Variants in EFCAB5 observed in about 807,000 individuals in gnomAD.
EFCAB5 encodes EF-hand calcium-binding domain-containing protein 5.
EFCAB5 carries 131 observed loss-of-function variants against 167.9 expected under a neutral mutation model. That is an observed-to-expected ratio of 0.78 (90% CI 0.68 to 0.90). EFCAB5 has a LOEUF of 0.90. EFCAB5 is among the 40% of genes least tolerant of loss of function. EFCAB5 has a pLI of 0.00. For missense variants in EFCAB5, 1,663 were observed against 1,745.2 expected (o/e 0.95, Z 0.84); for synonymous variants, 574 against 602.8 (o/e 0.95, Z 0.70).
chr17:30,078,575 G>A, intron 15 of EFCAB5, 71 bp downstream of exon 15: 3 of 1,443,888 alleles, frequency 2.1e-6, no homozygotes, highest in Non-Finnish European at 2.8e-6. Context: ...GTTTGCAAAA[G>A]AGGAGCATCT....
In EFCAB5 at chr17:30,098,447, G is replaced by A. The variant is rs150927654; in HGVS notation, c.4321+5511G>A. 3.2e-3 allele frequency among the ~76,000 whole-genome samples: 478 copies of A among 151,166 alleles called. 4 individuals are homozygous for A. Among genetic ancestry groups the A allele is most frequent in the Non-Finnish European group, 3.7e-3 (254 of 67,818 alleles). On this transcript the variant is annotated intron_variant, in intron 22 of 22. Transcript: ENST00000394835. The stretch of plus-strand genomic sequence containing the variant: ...TCAGGAGAGCTGAGGTGGGAGGATC[G>A]CTTGAACCCAAGAGGTTGAGGCTGC...
intron 4 of EFCAB5, among the ~76,000 whole-genome samples, chr17:29,972,012 A>G (rs1045731850): frequency 6.6e-6 from 1 of 151,462 alleles, no homozygotes; most frequent in African/African-American, 2.4e-5. Flanking sequence ...CTGTTTTCTG[A>G]CATTACCCCT....
At chr17:30,094,364 T>A (rs56129908) in intron 22 of EFCAB5, among the ~76,000 whole-genome samples, 58,030 of 151,512 alleles carry the variant, frequency 0.38, 13,640 homozygotes, top group East Asian at 0.81. Context: ...ATAATTTTTT[T>A]AAAAAGAAAG....
chr17:30,082,852 T>G (rs1269042349), intron 17 of EFCAB5, 39 bp from the exon 18 acceptor site: 1 of 1,551,874 alleles, frequency 6.4e-7, no homozygotes, highest in East Asian at 2.3e-5. Context: ...TTTTTCTATT[T>G]TAAAAAGAAT....
At chr17:30,004,134 T>A (rs1196135047) in intron 7 of EFCAB5, among the ~76,000 whole-genome samples, 1 of 152,206 alleles carries the variant, frequency 6.6e-6, no homozygotes, top group Non-Finnish European at 1.5e-5. Context: ...AAGGCGTGAA[T>A]TATTGGTGGC....
intron 22 of EFCAB5, 29 bp from the exon 23 acceptor site, chr17:30,107,805 C>T (rs746035374): frequency 2.8e-6 from 4 of 1,438,424 alleles, no homozygotes; most frequent in Non-Finnish European, 3.6e-6. Flanking sequence ...ACTCTCCACT[C>T]TTACTTTTCT....
At chr17:30,067,433 A>T (rs1319904587) in intron 14 of EFCAB5, among the ~76,000 whole-genome samples, 2 of 152,156 alleles carry the variant, frequency 1.3e-5, no homozygotes, top group Non-Finnish European at 2.9e-5. Flanking sequence ...TGGGCAACAT[A>T]ACAAGACCCT....
chr17:29,945,294 T>C (rs2067376028), intron 3 of EFCAB5, among the ~76,000 whole-genome samples: 1 of 151,938 alleles, frequency 6.6e-6, no homozygotes, highest in South Asian at 2.1e-4. Flanking sequence ...TAGATGTTAG[T>C]TGTAATTTTT....
At chr17:30,021,695 T>C (rs1374923384) in intron 7 of EFCAB5, among the ~76,000 whole-genome samples, 2 of 152,048 alleles carry the variant, frequency 1.3e-5, no homozygotes, top group East Asian at 3.8e-4. Flanking sequence ...ATTTCTTACA[T>C]AGAAATATTT....
intron 22 of EFCAB5, among the ~76,000 whole-genome samples, chr17:30,101,507 T>G (rs1043531755): frequency 1.3e-5 from 2 of 152,194 alleles, no homozygotes; most frequent in African/African-American, 2.4e-5. Flanking sequence ...GATTTTGACA[T>G]GCTGAGTTTG....
chr17:30,028,078 A>G (rs545501747), intron 7 of EFCAB5, among the ~76,000 whole-genome samples: 7 of 152,344 alleles, frequency 4.6e-5, no homozygotes, highest in African/African-American at 1.7e-4. Context: ...TCCCTTAGCC[A>G]GGAGGAATAA....
chr17:29,942,515 A>G (rs1410942738), intron 2 of EFCAB5, among the ~76,000 whole-genome samples: 1 of 152,200 alleles, frequency 6.6e-6, no homozygotes, highest in Non-Finnish European at 1.5e-5. Flanking sequence ...AAGAACTGTT[A>G]TAAATTACAG....
chr17:30,098,976 A>G (rs1466313482), intron 22 of EFCAB5, among the ~76,000 whole-genome samples: 1 of 152,212 alleles, frequency 6.6e-6, no homozygotes, highest in Non-Finnish European at 1.5e-5. Flanking sequence ...TCTAGCTTGT[A>G]TCAGTACTTC....
intron 22 of EFCAB5, among the ~76,000 whole-genome samples, chr17:30,102,442 C>T (rs1176426028): frequency 6.6e-6 from 1 of 152,094 alleles, no homozygotes; most frequent in Non-Finnish European, 1.5e-5. Flanking sequence ...GTGATCATGG[C>T]TCACTGTAAC....
intron 2 of EFCAB5, 92 bp downstream of exon 2, chr17:29,942,394 CA>C (rs2067312359): frequency 8.4e-7 from 1 of 1,192,230 alleles, no homozygotes; most frequent in Admixed American, 3.2e-5. Context: ...TGTGGGTATT[CA>C]AAAAGATAAC....
At chr17:30,043,223 A>G (rs546002639) in intron 8 of EFCAB5, among the ~76,000 whole-genome samples, 1 of 152,160 alleles carries the variant, frequency 6.6e-6, no homozygotes, top group Non-Finnish European at 1.5e-5. Context: ...AAAATTTTTT[A>G]AAAAACCTCT....
upstream of EFCAB5, among the ~76,000 whole-genome samples, chr17:29,938,052 A>T (rs1597548554): frequency 6.6e-6 from 1 of 152,202 alleles, no homozygotes; most frequent in East Asian, 1.9e-4. Context: ...CTTTCAATTA[A>T]GGAACTGGGT....
intron 19 of EFCAB5, among the ~76,000 whole-genome samples, 168 bp downstream of exon 19, chr17:30,087,334 G>T (rs2071110036): frequency 6.6e-6 from 1 of 152,086 alleles, no homozygotes; most frequent in South Asian, 2.1e-4. Flanking sequence ...TGCAGGACGT[G>T]CAGGTTTGTT....
intron 2 of EFCAB5, among the ~76,000 whole-genome samples, chr17:29,943,044 ATAT>A (rs2067325775): frequency 1.5e-4 from 5 of 32,426 alleles, no homozygotes; most frequent in East Asian, 4.1e-3. Context: ...TCTCCAAAAT[ATAT>A]ATATATATAT....
Sources: allele counts gnomAD v4.1 joint callset (sites outside exome capture counted in the v4.1 genomes callset), GRCh38; gene constraint gnomAD v4.1.1; transcripts MANE v1.5; gene names NCBI Gene and HGNC (gene_info 2026-07-23, HGNC 2026-07-21).